The following ODAD2 variants were observed in gnomAD, a reference collection of about 807,000 sequenced individuals.
The protein encoded by ODAD2 is outer dynein arm docking complex subunit 2.
Under a neutral mutation model 106.8 loss-of-function variants are expected in ODAD2, and 89 were observed. The observed-to-expected ratio is 0.83, with a 90% confidence interval of 0.70 to 0.99. The LOEUF is 0.99. ODAD2 is among the 50% of genes least tolerant of loss of function. The pLI, the probability that ODAD2 is intolerant of heterozygous loss-of-function variation, is 0.00. For synonymous variants in ODAD2, 404 were observed against 436.2 expected, an observed-to-expected ratio of 0.93 and a Z score of 0.92; for missense variants, 1,168 against 1,238.5, an observed-to-expected ratio of 0.94 and a Z score of 0.85.
chr10:27,921,424 A>G (rs1358102960), intron 16 of ODAD2, among the ~76,000 whole-genome samples: 2 of 152,104 alleles, frequency 1.3e-5, no homozygotes, highest in African/African-American at 4.8e-5. Flanking sequence ...TTAGAGCATT[A>G]GACTTTTAGT....
At chr10:27,906,919 G>A (rs12415974) in intron 17 of ODAD2, among the ~76,000 whole-genome samples, 1 of 151,942 alleles carries the variant, frequency 6.6e-6, no homozygotes, top group African/African-American at 2.4e-5. Flanking sequence ...TGTAGATGAC[G>A]GGTTGATGGG....
intron 17 of ODAD2, among the ~76,000 whole-genome samples, chr10:27,866,108 T>C (rs1472029709): frequency 6.6e-6 from 1 of 152,254 alleles, no homozygotes; most frequent in Non-Finnish European, 1.5e-5. Context: ...ATTACACTTC[T>C]ATGCATTAGG....
intron 10 of ODAD2, among the ~76,000 whole-genome samples, chr10:27,950,975 C>A (rs57643587): frequency 0.031 from 4,717 of 151,974 alleles, 254 homozygotes; most frequent in African/African-American, 0.11. Flanking sequence ...CTAACAATAA[C>A]AAATCAAAAT....
intron 19 of ODAD2, among the ~76,000 whole-genome samples, chr10:27,813,746 C>A (rs10763622): frequency 0.79 from 119,439 of 152,022 alleles, 47,238 homozygotes; most frequent in Non-Finnish European, 0.83. Flanking sequence ...AAGCACTTTA[C>A]TCAGGGGAAT....
At chr10:27,902,395 A>C (rs1490865864) in intron 17 of ODAD2, among the ~76,000 whole-genome samples, 1 of 152,352 alleles carries the variant, frequency 6.6e-6, no homozygotes, top group East Asian at 1.9e-4. Flanking sequence ...GAACTAGATA[A>C]GCAAGAGCAA....
chr10:27,917,907 T>C (rs1462119323), intron 16 of ODAD2, among the ~76,000 whole-genome samples: 1 of 151,908 alleles, frequency 6.6e-6, no homozygotes, highest in African/African-American at 2.4e-5. Flanking sequence ...ATTGCAATAA[T>C]TTTAGGCTAA....
intron 16 of ODAD2, among the ~76,000 whole-genome samples, chr10:27,934,125 G>A (rs890486755): frequency 3.9e-5 from 6 of 152,162 alleles, no homozygotes; most frequent in Admixed American, 6.5e-5. Flanking sequence ...CTGCCACCAT[G>A]TAAGATGTGA....
At chr10:27,971,640 C>G (rs1848871849) in intron 7 of ODAD2, among the ~76,000 whole-genome samples, 1 of 152,022 alleles carries the variant, frequency 6.6e-6, no homozygotes, top group South Asian at 2.1e-4. Flanking sequence ...TGGCTTGAAC[C>G]AAAGATAAAG....
At chr10:27,833,902 T>A (rs1166182786) in intron 19 of ODAD2, among the ~76,000 whole-genome samples, 1 of 152,206 alleles carries the variant, frequency 6.6e-6, no homozygotes, top group Non-Finnish European at 1.5e-5. Flanking sequence ...AAGATGGTTA[T>A]GAACAAAGCA....
chr10:27,991,676 G>A (rs1397744394), intron 2 of ODAD2, among the ~76,000 whole-genome samples: 1 of 152,104 alleles, frequency 6.6e-6, no homozygotes, highest in East Asian at 1.9e-4. Context: ...ACTTGTTTTG[G>A]AACAAGAGGC....
chr10:27,820,074 G>C (rs1288658257), intron 19 of ODAD2, among the ~76,000 whole-genome samples: 1 of 152,080 alleles, frequency 6.6e-6, no homozygotes, highest in African/African-American at 2.4e-5. Context: ...TTATTTCCTG[G>C]AGGCCTGGCC....
intron 18 of ODAD2, among the ~76,000 whole-genome samples, chr10:27,861,751 C>T (rs1411982114): frequency 2.0e-5 from 3 of 152,172 alleles, no homozygotes; most frequent in African/African-American, 7.2e-5. Flanking sequence ...ATTACTGAAT[C>T]GGATGGTTTT....
chr10:27,994,075 A>G (rs1449649592), intron 2 of ODAD2, among the ~76,000 whole-genome samples: 1 of 151,820 alleles, frequency 6.6e-6, no homozygotes, highest in African/African-American at 2.4e-5. Flanking sequence ...ATACAATTAT[A>G]TTTAATTTGT....
Position 27,812,601 on chromosome 10 carries a change from G to A in ODAD2, c.3046C>T (p.Pro1016Ser). ...VKLLLDMVGSPDQDLQEAAAG... is the reference protein window; with the variant it reads ...VKLLLDMVGSSDQDLQEAAAG... Reference sequence around the variant, plus strand: ...GCAGCTTCCTGGAGATCCTGGTCAGGGGACCCAACCATATCCAGTAGAAGC... The same window carrying A: ...GCAGCTTCCTGGAGATCCTGGTCAGAGGACCCAACCATATCCAGTAGAAGC... Residue 1016 changes from proline (P) to serine (S), a missense_variant, in exon 20 of 20, where the codon CCT becomes TCT. Around this residue, in one of 3 missense-constraint regions of ODAD2, gnomAD observed 701 missense variants for 712.3 expected, o/e 0.98. Transcript: ENST00000305242. 2 of 1,612,106 alleles carry A rather than the reference G, an allele frequency of 1.2e-6. No homozygotes were observed. Among genetic ancestry groups the A allele is most frequent in the East Asian group, 4.5e-5 (2 of 44,712 alleles).
intron 10 of ODAD2, among the ~76,000 whole-genome samples, chr10:27,948,803 TG>T (rs1223138550): frequency 0.025 from 3,459 of 136,886 alleles, 294 homozygotes; most frequent in African/African-American, 0.11. Flanking sequence ...TTTTTTTTTT[TG>T]CAATTGACAT....
At chr10:27,956,410 T>C (rs1418680252) in intron 10 of ODAD2, among the ~76,000 whole-genome samples, 1 of 152,118 alleles carries the variant, frequency 6.6e-6, no homozygotes, top group Non-Finnish European at 1.5e-5. Context: ...GAGGCCTCCA[T>C]CATTGCAGCA....
intron 10 of ODAD2, among the ~76,000 whole-genome samples, chr10:27,951,511 G>A (rs912836209): frequency 3.4e-4 from 51 of 151,984 alleles, no homozygotes; most frequent in African/African-American, 1.2e-3. Flanking sequence ...AAAGCAGATA[G>A]GCCAATAATC....
At chr10:27,864,231 T>C (rs914068033) in intron 17 of ODAD2, among the ~76,000 whole-genome samples, 2 of 150,890 alleles carry the variant, frequency 1.3e-5, no homozygotes, top group African/African-American at 4.9e-5. Context: ...TTGAGATGAT[T>C]CCCACGTCTC....
intron 16 of ODAD2, among the ~76,000 whole-genome samples, chr10:27,924,799 G>A (rs10826366): frequency 6.6e-6 from 1 of 151,180 alleles, no homozygotes; most frequent in South Asian, 2.1e-4. Flanking sequence ...ATAAAATGCA[G>A]ATTTCCAAAA....
Sources: allele counts gnomAD v4.1 joint callset (sites outside exome capture counted in the v4.1 genomes callset), GRCh38; gene constraint gnomAD v4.1.1; regional missense constraint gnomAD v4.1.1; transcripts MANE v1.5; gene names NCBI Gene and HGNC (gene_info 2026-07-23, HGNC 2026-07-21).